C1orf146: variants seen among roughly 807,000 people sequenced by gnomAD.
C1orf146 encodes protein SPO16 homolog.
A neutral mutation model predicts 23.0 loss-of-function variants in C1orf146; 22 were observed. The observed-to-expected ratio is 0.96, with a 90% CI of 0.68 to 1.36. C1orf146 has a LOEUF of 1.36. C1orf146 is among the 40% of genes most tolerant of loss of function. The pLI is 0.00. For missense variants in C1orf146, 199 were observed against 206.8 expected (o/e 0.96, Z 0.23); for synonymous variants, 59 against 65.3 (o/e 0.90, Z 0.47).
chr1:92,241,987 A>AG (rs1557491953), intron 2 of C1orf146, among the ~76,000 whole-genome samples: 1 of 152,228 alleles, frequency 6.6e-6, no homozygotes, highest in African/African-American at 2.4e-5. Flanking sequence ...ACATAACTGT[A>AG]GTACGTAACT....
In C1orf146 at chr1:92,242,296, T is replaced by C. The variant is rs1486793192; in HGVS notation, c.151T>C (p.Ser51Pro). 7 of 1,583,254 alleles carry C rather than the reference T, an allele frequency of 4.4e-6. No individual in the cohort carries two copies. The highest frequency in any genetic ancestry group is 1.4e-5 in the African/African-American group (1 of 74,044). ...DSVENGSIIF[S>P]LSGVAFLLMD... Reference sequence around the variant, plus strand: ...AGTGGAAAATGGATCAATTATATTTTCTCTTTCTGGTATGGTATATTTGCT... The same window carrying C: ...AGTGGAAAATGGATCAATTATATTTCCTCTTTCTGGTATGGTATATTTGCT... The change falls in exon 3 of 6, where the codon TCT (serine) becomes CCT (proline). Residue 51 changes from serine (S) to proline (P), a missense_variant. Ser to Pro is a moderately conservative substitution (Grantham distance 74). Coordinates refer to ENST00000370375, the MANE Select transcript of C1orf146 (RefSeq NM_001012425.2).
intron 2 of C1orf146, among the ~76,000 whole-genome samples, chr1:92,237,239 A>G (rs1256161259): frequency 6.6e-6 from 1 of 151,818 alleles, no homozygotes; most frequent in Non-Finnish European, 1.5e-5. Flanking sequence ...TTGTGGTTTT[A>G]TCTACTTTTG....
At position 92,231,443 on chromosome 1, in the gene C1orf146, A is replaced by C. The variant is rs1421808388; in HGVS notation, c.23A>C (p.Lys8Thr). The C allele has an allele frequency of 6.2e-7, 1 of 1,611,640 alleles. No individual in the cohort carries two copies. Among genetic ancestry groups the C allele is most frequent in the Non-Finnish European group, 8.5e-7 (1 of 1,179,226 alleles). The part of the protein sequence containing the change: MAESGKE[K>T]IKWTTTIIIS... ...CAGATGGCTGAAAGTGGAAAAGAAA[A>C]AATAAAATGGACAACCACCATTATT... The change falls in exon 2 of 6, where the codon AAA becomes ACA. Residue 8 changes from lysine to threonine, a missense_variant. By Grantham distance (78) the Lys-to-Thr change is moderately conservative. Coordinates refer to ENST00000370375, the MANE Select transcript of C1orf146 (RefSeq NM_001012425.2).
chr1:92,229,428 T>G (rs1652055194), intron 1 of C1orf146: 1 of 525,470 alleles, frequency 1.9e-6, no homozygotes, highest in South Asian at 1.5e-5. Flanking sequence ...CTTGTAGCTC[T>G]TCTCCAGCTT....
At chr1:92,241,021 C>G in intron 2 of C1orf146, 1 of 414,136 alleles carries the variant, frequency 2.4e-6, no homozygotes, top group Non-Finnish European at 5.0e-6. Flanking sequence ...TAAAAGTATA[C>G]TAAAGTAACT....
intron 1 of C1orf146, among the ~76,000 whole-genome samples, chr1:92,225,712 C>T (rs1161756990): frequency 1.3e-5 from 2 of 151,982 alleles, no homozygotes; most frequent in Non-Finnish European, 2.9e-5. Flanking sequence ...ATGTATGTAT[C>T]AGGATATACA....
At chr1:92,229,890 T>C (rs1362184182) in intron 1 of C1orf146, among the ~76,000 whole-genome samples, 1 of 152,182 alleles carries the variant, frequency 6.6e-6, no homozygotes, top group Non-Finnish European at 1.5e-5. Context: ...TTTAGGGTTT[T>C]CAGTCTCAAT....
Position 92,242,250 on chromosome 1 carries a change from C to A in C1orf146, c.105C>A (p.His35Gln), listed in dbSNP as rs754696113. The change falls in exon 3 of 6, where the codon CAC (histidine) becomes CAA (glutamine). Residue 35 changes from histidine (H) to glutamine (Q), a missense_variant. Coordinates refer to ENST00000370375, the MANE Select transcript of C1orf146 (RefSeq NM_001012425.2). ...EVATALENRSHKVRYSDSVEN... is the reference protein window; with the variant it reads ...EVATALENRSQKVRYSDSVEN... ...CAACTGCCCTAGAAAATCGAAGCCA[C>A]AAAGTTCGATATTCAGATTCAGTGG... The A allele has an allele frequency of 6.2e-7, 1 of 1,602,458 alleles. No homozygotes were observed. The highest frequency in any genetic ancestry group is 8.5e-7 in the Non-Finnish European group (1 of 1,173,922).
At chr1:92,220,422 T>C (rs892687250) in intron 1 of C1orf146, among the ~76,000 whole-genome samples, 4 of 152,174 alleles carry the variant, frequency 2.6e-5, no homozygotes, top group Non-Finnish European at 5.9e-5. Context: ...TGTGAGAACA[T>C]CATAGAGTGT....
chr1:92,230,814 A>C (rs1335340913), intron 1 of C1orf146, among the ~76,000 whole-genome samples: 1 of 152,086 alleles, frequency 6.6e-6, no homozygotes, highest in Non-Finnish European at 1.5e-5. Context: ...CATATTCCCT[A>C]TGTGAGATAT....
intron 1 of C1orf146, among the ~76,000 whole-genome samples, chr1:92,222,788 A>G (rs1352229595): frequency 1.1e-4 from 16 of 151,764 alleles, no homozygotes; most frequent in East Asian, 9.7e-4. Flanking sequence ...GGGTTTCACC[A>G]TGTTAGCCAG....
chr1:92,228,898 G>C (rs575770053), intron 1 of C1orf146: 8 of 407,710 alleles, frequency 2.0e-5, no homozygotes, highest in Non-Finnish European at 3.8e-5. Flanking sequence ...ATTTCTTTTC[G>C]AAGGCTTATT....
chr1:92,218,624 G>T (rs1570781124), intron 1 of C1orf146, among the ~76,000 whole-genome samples: 1 of 152,020 alleles, frequency 6.6e-6, no homozygotes, highest in Non-Finnish European at 1.5e-5. Flanking sequence ...GGTTAAACTC[G>T]TGTCACGGGA....
intron 4 of C1orf146, 96 bp from the exon 5 acceptor site, chr1:92,244,683 A>G: frequency 1.2e-6 from 1 of 819,238 alleles, no homozygotes; most frequent in Non-Finnish European, 2.0e-6. Context: ...GCATAGACAA[A>G]TAACAAACAA....
chr1:92,229,476 T>C (rs1390398724), intron 1 of C1orf146: 4 of 479,776 alleles, frequency 8.3e-6, no homozygotes, highest in African/African-American at 6.0e-5. Flanking sequence ...TACCATCTTC[T>C]TTCTGTGAGC....
intron 2 of C1orf146, among the ~76,000 whole-genome samples, chr1:92,233,497 GT>G (rs1224107758): frequency 1.3e-5 from 2 of 152,140 alleles, no homozygotes; most frequent in Non-Finnish European, 2.9e-5. Context: ...GTACCATGCT[GT>G]TTTGGTTACT....
intron 1 of C1orf146, among the ~76,000 whole-genome samples, chr1:92,225,114 T>C (rs1443318651): frequency 1.3e-5 from 2 of 150,280 alleles, no homozygotes; most frequent in Non-Finnish European, 3.0e-5. Context: ...TAGCCTCTTT[T>C]TTTTTTTTTT....
intron 1 of C1orf146, among the ~76,000 whole-genome samples, chr1:92,227,402 G>A (rs1292264835): frequency 6.6e-6 from 1 of 152,108 alleles, no homozygotes; most frequent in Non-Finnish European, 1.5e-5. Context: ...AATTAGTCAG[G>A]CGTGGTGGCG....
intron 1 of C1orf146, among the ~76,000 whole-genome samples, chr1:92,224,986 C>G (rs1194662042): frequency 6.6e-6 from 1 of 152,014 alleles, no homozygotes. Context: ...CGTGATTTGC[C>G]CACCTCGGCC....
Sources: gnomAD v4.1 joint callset for allele counts (sites outside exome capture counted in the v4.1 genomes callset) on GRCh38, gnomAD v4.1.1 for gene constraint, MANE v1.5 for transcripts, NCBI Gene and HGNC (gene_info 2026-07-23, HGNC 2026-07-21) for gene names.